The following BCAS3 variants were observed in gnomAD, a reference collection of about 807,000 sequenced individuals.
BCAS3 encodes BCAS4/BCAS3 fusion.
A neutral mutation model predicts 116.1 loss-of-function variants in BCAS3; 53 were observed. That is an observed-to-expected ratio of 0.46 (90% CI 0.37 to 0.57). The LOEUF (loss-of-function observed/expected upper bound fraction) is 0.57, where lower values mean the gene tolerates loss of function less well. BCAS3 is among the 20% of genes least tolerant of loss of function. The probability of loss-of-function intolerance (pLI) is 0.00; values close to 1 mark genes in which losing one functional copy is unlikely to be tolerated. For missense variants in BCAS3, 917 were observed against 1,165.4 expected, an observed-to-expected ratio of 0.79 and a Z score of 3.10; for synonymous variants, 391 against 408.2, an observed-to-expected ratio of 0.96 and a Z score of 0.51.
chr17:60,796,283 G>A (rs946694735), intron 6 of BCAS3, among the ~76,000 whole-genome samples: 2 of 152,116 alleles, frequency 1.3e-5, no homozygotes, highest in Admixed American at 6.5e-5. Context: ...TCTATCTTGT[G>A]GAATAGTGTC....
chr17:61,316,190 C>T lies in BCAS3; in HGVS notation c.2426-52137C>T, dbSNP rs775975922. Among the ~76,000 whole-genome samples, 16 of 152,062 alleles carry T rather than the reference C, an allele frequency of 1.1e-4. No individual in the cohort carries two copies. Among genetic ancestry groups the T allele is most frequent in the Non-Finnish European group, 1.3e-4 (9 of 68,016 alleles). The stretch of plus-strand genomic sequence containing the variant: ...GCATGGTGGTGCATGCCTGTGATCC[C>T]AGCTACTCAGGAGGCTGTGGCAGGA... On this transcript the variant is annotated intron_variant, in intron 22 of 23. Transcript: ENST00000407086. The surrounding 1 kb of genome is among the most constrained non-coding windows in gnomAD (Gnocchi z 5.8).
intron 13 of BCAS3, among the ~76,000 whole-genome samples, chr17:60,927,342 G>A (rs768946474): frequency 6.6e-5 from 10 of 151,260 alleles, no homozygotes; most frequent in Non-Finnish European, 1.3e-4. Flanking sequence ...TGCAACCTCC[G>A]CCTCCCAGGT....
chr17:61,159,150 T>C (rs1601636909), intron 22 of BCAS3, among the ~76,000 whole-genome samples: 1 of 152,330 alleles, frequency 6.6e-6, no homozygotes, highest in East Asian at 1.9e-4. Flanking sequence ...TCCATAAGAA[T>C]TACACACAGA....
intron 15 of BCAS3, among the ~76,000 whole-genome samples, chr17:60,992,375 G>T (rs114635392): frequency 0.01 from 1,555 of 152,212 alleles, 32 homozygotes; most frequent in African/African-American, 0.036. Context: ...GAGAATGATT[G>T]TTATTCATGT....
rs927000021 is a variant in BCAS3, at chr17:61,013,039, C to T, written c.1487-2712C>T. ...ATCCCTTTATACCACTCTCCCCTCACGTTATCCTTCATGCCCAGAATATTC... is the reference window on the plus strand; with the variant it reads ...ATCCCTTTATACCACTCTCCCCTCATGTTATCCTTCATGCCCAGAATATTC... On this transcript the variant is annotated intron_variant, in intron 15 of 23. Transcript: ENST00000407086. The surrounding 1 kb of genome is among the most constrained non-coding windows in gnomAD (Gnocchi z 4.4). Among the ~76,000 whole-genome samples the T allele has an allele frequency of 1.1e-4, 17 of 152,044 alleles. No individual in the cohort carries two copies. The highest frequency in any genetic ancestry group is 2.2e-4 in the Non-Finnish European group (15 of 67,940).
In BCAS3 at chr17:61,021,223, C is replaced by T. The variant is rs1568140915; in HGVS notation, c.1637+5322C>T. On this transcript the variant is annotated intron_variant, in intron 16 of 23. Transcript: ENST00000407086. This position sits in a 1 kb window ranked among gnomAD's most constrained non-coding sequence, Gnocchi z 4.6. ...AGTGGGTGTGTGCCACCATGCCTGT[C>T]TAAGTTTTGTATTTTTTGTAGAGAT... Among the ~76,000 whole-genome samples the T allele has an allele frequency of 6.6e-6, 1 of 151,962 alleles. No homozygotes were observed. The highest frequency in any genetic ancestry group is 1.5e-5 in the Non-Finnish European group (1 of 67,968).
chr17:61,086,490 G>A (rs1393866132), intron 22 of BCAS3, among the ~76,000 whole-genome samples: 1 of 152,158 alleles, frequency 6.6e-6, no homozygotes, highest in East Asian at 1.9e-4. Flanking sequence ...AAATCCTTTT[G>A]CAAGAAGAGT....
chr17:61,193,509 G>A (rs143460788), intron 22 of BCAS3, among the ~76,000 whole-genome samples: 1,559 of 152,176 alleles, frequency 0.01, 19 homozygotes, highest in African/African-American at 0.036. Context: ...TGTAATCCCA[G>A]CACTTTGGGA....
chr17:61,016,234 G>A (rs529856796), intron 16 of BCAS3, among the ~76,000 whole-genome samples: 7 of 152,212 alleles, frequency 4.6e-5, no homozygotes, highest in South Asian at 2.1e-4. Context: ...TGGCTCTTTC[G>A]GGATTTGAAA....
intron 22 of BCAS3, among the ~76,000 whole-genome samples, chr17:61,111,737 A>G (rs376594833): frequency 5.5e-5 from 7 of 127,638 alleles, no homozygotes; most frequent in East Asian, 2.2e-4. Flanking sequence ...TACAGAGAAC[A>G]CCACAAAGAT....
rs1422919223 is a variant in BCAS3, at chr17:61,131,434, CA to C, written c.2425+46871del. On this transcript the variant is annotated intron_variant, in intron 22 of 23. Transcript: ENST00000407086. This position sits in a 1 kb window ranked among gnomAD's most constrained non-coding sequence, Gnocchi z 4.4. ...GAATTAGGTATGAAAATTATTAAGC[CA>C]GGGGTATAAATTACAATTCGTTAAA... 2.0e-5 allele frequency among the ~76,000 whole-genome samples: 3 copies of C among 152,058 alleles called. No individual in the cohort carries two copies. Among genetic ancestry groups the C allele is most frequent in the African/African-American group, 2.4e-5 (1 of 41,392 alleles).
chr17:61,030,647 T>C (rs1030798834), intron 16 of BCAS3, among the ~76,000 whole-genome samples: 9 of 152,274 alleles, frequency 5.9e-5, no homozygotes, highest in African/African-American at 2.2e-4. Flanking sequence ...TGATTTTTAA[T>C]TTAGCATCTT....
chr17:60,756,291 C>G (rs1379894740), intron 6 of BCAS3, among the ~76,000 whole-genome samples: 1 of 152,302 alleles, frequency 6.6e-6, no homozygotes, highest in East Asian at 1.9e-4. Context: ...GGAGCACAGA[C>G]AGTAATGCTT....
intron 9 of BCAS3, among the ~76,000 whole-genome samples, chr17:60,885,885 C>T (rs1260559980): frequency 6.8e-6 from 1 of 146,800 alleles, no homozygotes; most frequent in African/African-American, 2.7e-5. Flanking sequence ...ACATTTTTTC[C>T]TTCATTTCAA....
chr17:60,988,338 CT>C (rs71148317), intron 14 of BCAS3, among the ~76,000 whole-genome samples: 4,354 of 66,326 alleles, frequency 0.066, 100 homozygotes, highest in African/African-American at 0.18. Context: ...TTTTCTTTTT[CT>C]TTTTTTTTTT....
intron 22 of BCAS3, among the ~76,000 whole-genome samples, chr17:61,320,700 C>A (rs78417711): frequency 0.035 from 5,288 of 151,722 alleles, 258 homozygotes; most frequent in African/African-American, 0.11. Context: ...AGAATACATT[C>A]AACTACAAAT....
rs187898057 is a variant in BCAS3 at position 60,913,757 on chromosome 17, C to T, written c.993+3055C>T. Among the ~76,000 whole-genome samples the T allele has an allele frequency of 6.1e-4, 93 of 152,118 alleles. 1 individual carries two copies. The East Asian group carries it at 0.014, about 23-fold the overall frequency. On this transcript the variant is annotated intron_variant, in intron 12 of 23. Transcript: ENST00000407086. The stretch of plus-strand genomic sequence containing the variant: ...TGTTAACAATTGTAGTATATAAAAT[C>T]GGATTCACCATCCTTCTGATGCCAT...
rs146385111 is a variant in BCAS3 at position 61,243,802 on chromosome 17, A to G, written c.2426-124525A>G. On this transcript the variant is annotated intron_variant, in intron 22 of 23. Coordinates refer to ENST00000407086, the MANE Select transcript of BCAS3 (RefSeq NM_017679.5). The surrounding 1 kb of genome is among the most constrained non-coding windows in gnomAD (Gnocchi z 5.6). ...GGGATGAGTGTTTTGGTTCTTTCCT[A>G]AAGAGTTGGAATCTGCTCTGTCAAC... Among the ~76,000 whole-genome samples the G allele has an allele frequency of 9.9e-5, 15 of 152,272 alleles. No homozygotes were observed. Among genetic ancestry groups the G allele is most frequent in the African/African-American group, 3.1e-4 (13 of 41,574 alleles).
intron 12 of BCAS3, among the ~76,000 whole-genome samples, chr17:60,915,397 C>T (rs2058727787): frequency 6.6e-6 from 1 of 152,022 alleles, no homozygotes; most frequent in Non-Finnish European, 1.5e-5. Flanking sequence ...GAAATTTTAT[C>T]CCATGTATAC....
Sources: gnomAD v4.1 joint callset for allele counts (sites outside exome capture counted in the v4.1 genomes callset) on GRCh38, gnomAD v4.1.1 for gene constraint, Gnocchi (gnomAD v3.1) non-coding constraint, MANE v1.5 for transcripts, NCBI Gene and HGNC (gene_info 2026-07-23, HGNC 2026-07-21) for gene names.